CCDC85C: variants seen among roughly 807,000 people sequenced by gnomAD.
The protein encoded by CCDC85C is coiled-coil domain containing 85C.
In CCDC85C, 18 loss-of-function variants were observed where a neutral mutation model predicts 38.3. That is an observed-to-expected ratio of 0.47 (90% CI 0.33 to 0.70). The LOEUF (loss-of-function observed/expected upper bound fraction) is 0.70. CCDC85C is among the 30% of genes least tolerant of loss of function. The pLI, the probability that CCDC85C is intolerant of heterozygous loss-of-function variation, is 0.03. For missense variants in CCDC85C, 566 were observed against 621.2 expected (o/e 0.91, Z 0.94); for synonymous variants, 264 against 293.8 (o/e 0.90, Z 1.04).
intron 1 of CCDC85C, among the ~76,000 whole-genome samples, chr14:99,575,353 C>T (rs1387248589): frequency 1.3e-5 from 2 of 152,194 alleles, no homozygotes; most frequent in African/African-American, 4.8e-5. Context: ...GGGCCTCAGC[C>T]GCCTACTGTC....
chr14:99,557,532 G>A (rs1407114925), intron 1 of CCDC85C, among the ~76,000 whole-genome samples: 1 of 152,250 alleles, frequency 6.6e-6, no homozygotes, highest in Non-Finnish European at 1.5e-5. Context: ...CCAAGGCAAA[G>A]GCTGCATCTG....
In CCDC85C at chr14:99,545,742, C is replaced by G. The variant is rs892163199; in HGVS notation, c.794-9654G>C. On this transcript the variant is annotated intron_variant, in intron 1 of 5. Coordinates refer to ENST00000380243, the MANE Select transcript of CCDC85C (RefSeq NM_001144995.2). The surrounding 1 kb of genome is among the most constrained non-coding windows in gnomAD (Gnocchi z 4.7). ...GTCACATCACATTCAGCCTGCAGCT[C>G]CCAGCATCAGGCTGAAAGGTACGCC... Among the ~76,000 whole-genome samples, 2 of 152,146 alleles carry G rather than the reference C, an allele frequency of 1.3e-5. No homozygotes were observed. The highest frequency in any genetic ancestry group is 2.9e-5 in the Non-Finnish European group (2 of 68,032).
intron 2 of CCDC85C, among the ~76,000 whole-genome samples, chr14:99,527,572 A>G (rs1897410303): frequency 6.6e-6 from 1 of 152,112 alleles, no homozygotes; most frequent in Non-Finnish European, 1.5e-5. Context: ...GAGTTCACCC[A>G]GCAGCTCCCC....
chr14:99,587,279 C>A (rs992431438), intron 1 of CCDC85C, among the ~76,000 whole-genome samples: 3 of 152,218 alleles, frequency 2.0e-5, no homozygotes, highest in Non-Finnish European at 4.4e-5. Context: ...CATGGCCTGT[C>A]CCTCCAAGAC....
Position 99,503,198 on chromosome 14 carries a change from C to G in CCDC85C, c.*12048G>C, listed in dbSNP as rs868561000. On this transcript the variant is annotated 3_prime_UTR_variant, in exon 6 of 6. Transcript: ENST00000380243. ...GAGAACCAGGAGGGGGCTCTCTGCC[C>G]GGCTCCAGCCCTGCTGCCTGTTTCA... 2 of 701,516 alleles carry G rather than the reference C, an allele frequency of 2.9e-6. No individual in the cohort carries two copies. The highest frequency in any genetic ancestry group is 1.7e-5 in the African/African-American group (1 of 57,216). The allele number at this position is 701,516 out of a possible 1,614,324, so 43.5% of individuals were successfully genotyped here. A position where few individuals can be genotyped will look rare whatever the true frequency, so the allele number is the denominator to read the frequency against.
chr14:99,523,657 C>A (rs900009066), intron 2 of CCDC85C, among the ~76,000 whole-genome samples: 6 of 152,170 alleles, frequency 3.9e-5, no homozygotes, highest in Non-Finnish European at 7.3e-5. Flanking sequence ...TCAGGGAGGA[C>A]CTGGGTGTGG....
chr14:99,503,679 G>C lies in CCDC85C; in HGVS notation c.*11567C>G. 6.6e-7 allele frequency: 1 copy of C among 1,515,398 alleles called. No individual in the cohort carries two copies. The highest frequency in any genetic ancestry group is 8.9e-7 in the Non-Finnish European group (1 of 1,117,740). The allele number at this position is 1,515,398 out of a possible 1,614,324, so 93.9% of individuals were successfully genotyped here. A position where few individuals can be genotyped will look rare whatever the true frequency, so the allele number is the denominator to read the frequency against. On this transcript the variant is annotated 3_prime_UTR_variant, in exon 6 of 6. Transcript: ENST00000380243. ...TGTTCTGATGTTTTTTTAGTTTTATGTGTTTATATGCAAAACTTTAAATTC... is the reference window on the plus strand; with the variant it reads ...TGTTCTGATGTTTTTTTAGTTTTATCTGTTTATATGCAAAACTTTAAATTC...
chr14:99,536,159 G>T, intron 1 of CCDC85C, 71 bp from the exon 2 acceptor site: 1 of 1,074,754 alleles, frequency 9.3e-7, no homozygotes, highest in Non-Finnish European at 1.4e-6. Flanking sequence ...AACCCCGACT[G>T]GCCCCAGACC....
chr14:99,571,458 G>A lies in CCDC85C; in HGVS notation c.793+31709C>T, dbSNP rs563649235. ...GTGCAGGTGCCAGAGGTGCACAGCC[G>A]TGCCGTTCTGTAGGCCCCACTGGAA... On this transcript the variant is annotated intron_variant, in intron 1 of 5. Transcript: ENST00000380243. Among the ~76,000 whole-genome samples, 5 of 152,304 alleles carry A rather than the reference G, an allele frequency of 3.3e-5. No individual in the cohort carries two copies. The East Asian group carries it at 5.8e-4, about 18-fold the overall frequency.
rs897921862 is a variant in CCDC85C at position 99,569,252 on chromosome 14, G to A, written c.794-33164C>T. Among the ~76,000 whole-genome samples, 5 of 152,188 alleles carry A rather than the reference G, an allele frequency of 3.3e-5. No individual in the cohort carries two copies. Among genetic ancestry groups the A allele is most frequent in the Admixed American group, 6.5e-5 (1 of 15,284 alleles). ...ACTCCCAGGGGTGGCCCTCCAGTACGAAGGCTGAAAACAAGGAACCAAGAA... is the reference window on the plus strand; with the variant it reads ...ACTCCCAGGGGTGGCCCTCCAGTACAAAGGCTGAAAACAAGGAACCAAGAA... On this transcript the variant is annotated intron_variant, in intron 1 of 5. Coordinates refer to ENST00000380243, the MANE Select transcript of CCDC85C (RefSeq NM_001144995.2). This position sits in a 1 kb window ranked among gnomAD's most constrained non-coding sequence, Gnocchi z 4.3.
intron 1 of CCDC85C, among the ~76,000 whole-genome samples, chr14:99,543,544 C>T (rs1398956480): frequency 1.3e-5 from 2 of 152,130 alleles, no homozygotes; most frequent in Non-Finnish European, 2.9e-5. Context: ...ATCAGGGCCT[C>T]CTTCCTGAAG....
chr14:99,525,811 C>T (rs774294938), intron 2 of CCDC85C, among the ~76,000 whole-genome samples: 4 of 152,172 alleles, frequency 2.6e-5, no homozygotes, highest in South Asian at 2.1e-4. Context: ...AAGGAGTCCT[C>T]GTGGAGGGGC....
rs1011356873 is a variant in CCDC85C, at chr14:99,506,480, C to G, written c.*8766G>C. 2.0e-5 allele frequency: 3 copies of G among 153,176 alleles called. No individual in the cohort carries two copies. Among genetic ancestry groups the G allele is most frequent in the Non-Finnish European group, 4.4e-5 (3 of 68,738 alleles). 9.5% of individuals were successfully genotyped at this position (153,176 alleles called of 1,614,324 possible). On this transcript the variant is annotated 3_prime_UTR_variant, in exon 6 of 6. Transcript: ENST00000380243. Reference sequence around the variant, plus strand: ...GAAGGGTGGGCTGTTTCCTCCACCTCAAGGGGTCCTGACTGCTGGGCTTTT... The same window carrying G: ...GAAGGGTGGGCTGTTTCCTCCACCTGAAGGGGTCCTGACTGCTGGGCTTTT...
rs1898370824 is a variant in CCDC85C at position 99,572,438 on chromosome 14, C to T, written c.793+30729G>A. ...ACCCCCACCCCAAGGCCCTGCTCCA[C>T]AGGGAAGCCAGAGGGCCTCACAAGT... On this transcript the variant is annotated intron_variant, in intron 1 of 5. Transcript: ENST00000380243. This position sits in a 1 kb window ranked among gnomAD's most constrained non-coding sequence, Gnocchi z 4.4. 1.3e-5 allele frequency among the ~76,000 whole-genome samples: 2 copies of T among 151,958 alleles called. No individual in the cohort carries two copies. Among genetic ancestry groups the T allele is most frequent in the South Asian group, 4.2e-4 (2 of 4,812 alleles).
Position 99,501,202 on chromosome 14 carries a change from G to C in CCDC85C, c.*14044C>G. On this transcript the variant is annotated 3_prime_UTR_variant, in exon 6 of 6. Coordinates refer to ENST00000380243, the MANE Select transcript of CCDC85C (RefSeq NM_001144995.2). Reference sequence around the variant, plus strand: ...CATGAGGAGGAAGAAGGGGTAGGATGTGGACCCACATCATTCATCCTTGTT... The same window carrying C: ...CATGAGGAGGAAGAAGGGGTAGGATCTGGACCCACATCATTCATCCTTGTT... The C allele has an allele frequency of 1.6e-6, 1 of 641,460 alleles. No individual in the cohort carries two copies. The highest frequency in any genetic ancestry group is 2.7e-5 in the East Asian group (1 of 36,938). The allele number at this position is 641,460 out of a possible 1,614,324, so 39.7% of individuals were successfully genotyped here.
Position 99,533,375 on chromosome 14 carries a change from C to T in CCDC85C, c.867+2640G>A, listed in dbSNP as rs78778189. On this transcript the variant is annotated intron_variant, in intron 2 of 5. Transcript: ENST00000380243. The surrounding 1 kb of genome is among the most constrained non-coding windows in gnomAD (Gnocchi z 4.2). ...CACACAGAGATACAAGCTCCTTCAG[C>T]GACCACTCCAGCAGCATGGCTTGAC... is the stretch of plus-strand genomic sequence containing the variant. Among the ~76,000 whole-genome samples the T allele has an allele frequency of 0.016, 2,394 of 152,350 alleles. 65 individuals carry two copies. The highest frequency in any genetic ancestry group is 0.055 in the African/African-American group (2,269 of 41,580).
At chr14:99,580,146 G>T (rs2054950763) in intron 1 of CCDC85C, 1 of 455,532 alleles carries the variant, frequency 2.2e-6, no homozygotes, top group South Asian at 1.5e-5. Context: ...AGCCTGTGCA[G>T]GCCTGGCCCC....
intron 1 of CCDC85C, among the ~76,000 whole-genome samples, chr14:99,601,656 C>T (rs1595112895): frequency 6.6e-6 from 1 of 152,192 alleles, no homozygotes; most frequent in East Asian, 1.9e-4. Context: ...ATCAAAGGGG[C>T]TGAGGTGCTC....
In CCDC85C at chr14:99,603,834, C is replaced by T; in HGVS notation, c.126G>A (p.Lys42=). ...CGCCGTGCTCCAGCATGAGGCCCAC[C>T]TTCTCGCCCTCGGCGCGCCGCAGCC... ...ARRLRRAEGE[K]VGLMLEHGGL... is the part of the protein sequence containing the mutation. Residue 42 remains lysine, a synonymous_variant, in exon 1 of 6, where the codon AAG becomes AAA. Coordinates refer to ENST00000380243, the MANE Select transcript of CCDC85C (RefSeq NM_001144995.2). The surrounding 1 kb of genome is among the most constrained non-coding windows in gnomAD (Gnocchi z 7.5). 1 of 1,520,512 alleles carries T rather than the reference C, an allele frequency of 6.6e-7. No individual in the cohort carries two copies. The allele number at this position is 1,520,512 out of a possible 1,614,324, so 94.2% of individuals were successfully genotyped here. A position where few individuals can be genotyped will look rare whatever the true frequency, so the allele number is the denominator to read the frequency against.
Sources: gnomAD v4.1 joint callset for allele counts (sites outside exome capture counted in the v4.1 genomes callset) on GRCh38, gnomAD v4.1.1 for gene constraint, Gnocchi (gnomAD v3.1) non-coding constraint, MANE v1.5 for transcripts, NCBI Gene and HGNC (gene_info 2026-07-23, HGNC 2026-07-21) for gene names.